Variants in LGR5 observed in about 807,000 individuals in gnomAD.
The protein encoded by LGR5 is leucine-rich repeat-containing G protein-coupled receptor 5.
In LGR5, 54 loss-of-function variants were observed where a neutral mutation model predicts 76.7. The observed-to-expected ratio is 0.70, with a 90% CI of 0.57 to 0.88. The LOEUF (loss-of-function observed/expected upper bound fraction) is 0.88. Among genes scored for constraint, LGR5 ranks in the 40% least tolerant of loss-of-function variants. The pLI, the probability that LGR5 is intolerant of heterozygous loss-of-function variation, is 0.00. For missense variants in LGR5, 1,078 were observed against 1,073.3 expected (o/e 1.00, Z -0.06); for synonymous variants, 406 against 421.9 (o/e 0.96, Z 0.46).
chr12:71,519,189 C>A (rs947494733), intron 2 of LGR5, among the ~76,000 whole-genome samples: 1 of 152,150 alleles, frequency 6.6e-6, no homozygotes, highest in Non-Finnish European at 1.5e-5. Context: ...CCACACCAGG[C>A]ACTCTCTACC....
In LGR5 at chr12:71,556,612, A is replaced by G. The variant is rs1174258391; in HGVS notation, c.645-7A>G. The G allele has an allele frequency of 1.3e-6, 2 of 1,589,664 alleles. No homozygotes were observed. The highest frequency in any genetic ancestry group is 2.7e-5 in the African/African-American group (2 of 74,414). ...CCTTCCTAACTATCTGTAATGTTCT[A>G]CTGCAGACATCTCCATAACAATAGA... On this transcript the variant is annotated splice_polypyrimidine_tract_variant and splice_region_variant and intron_variant, in intron 5 of 17. Transcript: ENST00000266674.
intron 1 of LGR5, among the ~76,000 whole-genome samples, chr12:71,446,176 G>C (rs535883232): frequency 6.6e-6 from 1 of 152,302 alleles, no homozygotes; most frequent in African/African-American, 2.4e-5. Context: ...GTGGCTAATA[G>C]GAGTCAGAGA....
In LGR5 at chr12:71,556,575, C is replaced by G. The variant is rs200511515; in HGVS notation, c.645-44C>G. The G allele has an allele frequency of 5.9e-6, 7 of 1,183,010 alleles. No individual in the cohort carries two copies. In the East Asian group the frequency reaches 1.6e-4, roughly 28 times the overall value. 73.3% of individuals were successfully genotyped at this position (1,183,010 alleles called of 1,614,324 possible). A position where few individuals can be genotyped will look rare whatever the true frequency, so the allele number is the denominator to read the frequency against. The stretch of plus-strand genomic sequence containing the variant: ...AAGCTATCAAAATGTTAAGTGTGGT[C>G]TGTGCAGTGTGCCTTCCTAACTATC... On this transcript the variant is annotated intron_variant, in intron 5 of 17. Coordinates refer to ENST00000266674, the MANE Select transcript of LGR5 (RefSeq NM_003667.4).
intron 16 of LGR5, 130 bp from the exon 17 acceptor site, chr12:71,582,326 C>A: frequency 1.4e-6 from 1 of 710,304 alleles, no homozygotes; most frequent in Non-Finnish European, 2.4e-6. Flanking sequence ...TAATAACTTG[C>A]AAGAAAGCTA....
intron 1 of LGR5, among the ~76,000 whole-genome samples, chr12:71,486,189 G>A (rs1000444285): frequency 2.0e-5 from 3 of 152,144 alleles, no homozygotes; most frequent in South Asian, 2.1e-4. Context: ...AGCTGAAAGT[G>A]TGACCAAATA....
chr12:71,540,047 G>T (rs1049400616), intron 4 of LGR5, among the ~76,000 whole-genome samples: 1 of 152,146 alleles, frequency 6.6e-6, no homozygotes, highest in Non-Finnish European at 1.5e-5. Flanking sequence ...AAACTTTTGG[G>T]AGTATAGACA....
intron 1 of LGR5, among the ~76,000 whole-genome samples, chr12:71,499,513 T>C (rs67863976): frequency 2.6e-5 from 4 of 152,170 alleles, no homozygotes; most frequent in Non-Finnish European, 2.9e-5. Context: ...GAGATCAAGA[T>C]AGAAACCCAC....
intron 1 of LGR5, among the ~76,000 whole-genome samples, chr12:71,446,752 T>C (rs999103593): frequency 1.3e-5 from 2 of 152,234 alleles, no homozygotes; most frequent in African/African-American, 4.8e-5. Flanking sequence ...GAAATATTTT[T>C]TCAGGGAATT....
At chr12:71,507,741 C>A (rs1270662174) in intron 2 of LGR5, among the ~76,000 whole-genome samples, 1 of 152,080 alleles carries the variant, frequency 6.6e-6, no homozygotes, top group African/African-American at 2.4e-5. Context: ...CTTTCTCTCT[C>A]TCTCTCTCTG....
At chr12:71,535,074 C>A (rs781067357) in intron 3 of LGR5, 41 bp from the exon 4 acceptor site, 61 of 1,425,086 alleles carry the variant, frequency 4.3e-5, no homozygotes, top group East Asian at 1.4e-4. Context: ...TGTTATTGTT[C>A]ATTTTTTTTA....
chr12:71,495,859 A>C (rs1874290380), intron 1 of LGR5, among the ~76,000 whole-genome samples: 1 of 147,200 alleles, frequency 6.8e-6, no homozygotes, highest in Non-Finnish European at 1.5e-5. Context: ...CCCTTTCCTT[A>C]CTTATCAGTG....
chr12:71,578,276 G>A (rs529486120), intron 14 of LGR5, among the ~76,000 whole-genome samples: 1 of 152,294 alleles, frequency 6.6e-6, no homozygotes, highest in African/African-American at 2.4e-5. Flanking sequence ...GGAATAAGAT[G>A]TCAATTCAGG....
chr12:71,480,134 C>G (rs559337562), intron 1 of LGR5, among the ~76,000 whole-genome samples: 1 of 151,904 alleles, frequency 6.6e-6, no homozygotes, highest in Admixed American at 6.6e-5. Flanking sequence ...GAGACCAAGG[C>G]GGGCAGATCA....
rs767855934 is a variant in LGR5 at position 71,566,403 on chromosome 12, G to T, written c.858-1G>T. 6.3e-7 allele frequency: 1 copy of T among 1,587,082 alleles called. No individual in the cohort carries two copies. The highest frequency in any genetic ancestry group is 8.6e-7 in the Non-Finnish European group (1 of 1,157,408). ...TTAATTGCTGTTTGGGTTTCTTTTAGACATTTCTATGACAATCCCATCCAG... is the reference window on the plus strand; with the variant it reads ...TTAATTGCTGTTTGGGTTTCTTTTATACATTTCTATGACAATCCCATCCAG... On this transcript the variant is annotated splice_acceptor_variant, in intron 8 of 17. Transcript: ENST00000266674. LOFTEE classifies it high-confidence loss of function.
At chr12:71,527,960 T>A (rs941423087) in intron 3 of LGR5, among the ~76,000 whole-genome samples, 2 of 152,202 alleles carry the variant, frequency 1.3e-5, no homozygotes, top group Admixed American at 6.5e-5. Flanking sequence ...TTACTGTCCC[T>A]CCATACCAAC....
At chr12:71,545,310 T>C (rs1441956654) in intron 4 of LGR5, among the ~76,000 whole-genome samples, 1 of 152,008 alleles carries the variant, frequency 6.6e-6, no homozygotes, top group Admixed American at 6.6e-5. Context: ...TAGCTGGGCA[T>C]GGTGGTGTAC....
rs1310081201 is a variant in LGR5, at chr12:71,572,892, T to C, written c.1179T>C (p.Thr393=). 1 of 1,613,888 alleles carries C rather than the reference T, an allele frequency of 6.2e-7. No individual in the cohort carries two copies. Among genetic ancestry groups the C allele is most frequent in the African/African-American group, 1.3e-5 (1 of 75,036 alleles). The part of the protein sequence containing the change: ...HNEIYEIKVD[T]FQQLLSLRSL... ...AAATCTACGAAATTAAAGTTGACACTTTCCAGCAGTTGCTTAGCCTCCGAT... is the reference window on the plus strand; with the variant it reads ...AAATCTACGAAATTAAAGTTGACACCTTCCAGCAGTTGCTTAGCCTCCGAT... The change falls in exon 13 of 18, where the codon ACT becomes ACC. Residue 393 remains threonine, a synonymous_variant. Transcript: ENST00000266674.
At chr12:71,478,501 T>C (rs868385686) in intron 1 of LGR5, among the ~76,000 whole-genome samples, 1 of 152,188 alleles carries the variant, frequency 6.6e-6, no homozygotes, top group Non-Finnish European at 1.5e-5. Flanking sequence ...CTTGGTTAAA[T>C]TGAATGGGAA....
At chr12:71,566,595 T>C in intron 9 of LGR5, 37 bp from the exon 10 acceptor site, 1 of 1,570,452 alleles carries the variant, frequency 6.4e-7, no homozygotes, top group Non-Finnish European at 8.8e-7. Flanking sequence ...CTGTCTAGAA[T>C]CTTCTACCAG....
Sources: gnomAD v4.1 joint callset for allele counts (sites outside exome capture counted in the v4.1 genomes callset) on GRCh38, gnomAD v4.1.1 for gene constraint, MANE v1.5 for transcripts, NCBI Gene and HGNC (gene_info 2026-07-23, HGNC 2026-07-21) for gene names.